Variants in MIOS observed in about 807,000 individuals in gnomAD.
The protein encoded by MIOS is GATOR2 complex protein MIOS.
A neutral mutation model predicts 96.9 loss-of-function variants in MIOS; 52 were observed. That is an observed-to-expected ratio of 0.54 (90% confidence interval 0.43 to 0.68). MIOS has a LOEUF of 0.68. MIOS is among the 30% of genes least tolerant of loss of function. The pLI is 0.00. For missense variants in MIOS, 1,005 were observed against 1,052.8 expected, an observed-to-expected ratio of 0.95 and a Z score of 0.63; for synonymous variants, 397 against 359.5, an observed-to-expected ratio of 1.10 and a Z score of -1.18.
At chr7:7,571,201 G>C (rs1472082985) in intron 3 of MIOS, among the ~76,000 whole-genome samples, 1 of 152,152 alleles carries the variant, frequency 6.6e-6, no homozygotes, top group Non-Finnish European at 1.5e-5. Context: ...CCTTTTGCCA[G>C]CCTCTGTTAG....
At chr7:7,569,300 C>T (rs1177396371) in intron 3 of MIOS, among the ~76,000 whole-genome samples, 1 of 152,192 alleles carries the variant, frequency 6.6e-6, no homozygotes. Flanking sequence ...AATTTTATCA[C>T]TACAGTGCAG....
intron 3 of MIOS, 71 bp downstream of exon 3, chr7:7,568,194 C>T (rs980762560): frequency 1.3e-5 from 2 of 152,026 alleles, no homozygotes; most frequent in African/African-American, 4.8e-5. Flanking sequence ...TTAATGTCTC[C>T]AAAATTTGGA....
rs1784554495 is a variant in MIOS, at chr7:7,607,101, C to T, written c.*9C>T. ...AGACTGTCCAGCCATAAAATGTTACCACCTTAAGAGAACCCTTCAAGTGTG... is the reference window on the plus strand; with the variant it reads ...AGACTGTCCAGCCATAAAATGTTACTACCTTAAGAGAACCCTTCAAGTGTG... On this transcript the variant is annotated 3_prime_UTR_variant, in exon 13 of 13. Transcript: ENST00000340080. 1 of 1,601,816 alleles carries T rather than the reference C, an allele frequency of 6.2e-7. No homozygotes were observed. Among genetic ancestry groups the T allele is most frequent in the East Asian group, 2.2e-5 (1 of 44,624 alleles).
chr7:7,587,616 A>G (rs1368060172), intron 7 of MIOS, among the ~76,000 whole-genome samples: 1 of 152,060 alleles, frequency 6.6e-6, no homozygotes, highest in Non-Finnish European at 1.5e-5. Context: ...AATGTTTATA[A>G]CTCTTTCCAG....
intron 11 of MIOS, among the ~76,000 whole-genome samples, chr7:7,598,178 A>G (rs1411375122): frequency 6.6e-6 from 1 of 152,180 alleles, no homozygotes; most frequent in Non-Finnish European, 1.5e-5. Flanking sequence ...TGAATAAAGA[A>G]CTGGTTAGAG....
Position 7,574,137 on chromosome 7 carries a change from C to A in MIOS, c.1334C>A (p.Pro445Gln). ...ACAGAAGATATGGATCAGAAATCTC[C>A]AGGCAACAAAGGATCATTGGTTTAT... ...QYTEDMDQKS[P>Q]GNKGSLVYAG... The change falls in exon 5 of 13, where the codon CCA becomes CAA. Residue 445 changes from proline to glutamine, a missense_variant. Physicochemically the swap from Pro to Gln is moderately conservative, Grantham distance 76 (BLOSUM62 -1). Transcript: ENST00000340080. 1 of 1,610,988 alleles carries A rather than the reference C, an allele frequency of 6.2e-7. No individual in the cohort carries two copies. Among genetic ancestry groups the A allele is most frequent in the South Asian group, 1.1e-5 (1 of 90,732 alleles).
rs1220345286 is a variant in MIOS, at chr7:7,573,655, A to G, written c.1180A>G (p.Met394Val). ...TTTAGAAAAAGATATAGCAACGAAGATGCGTCTTCGGGCTTTATCAAGGTA... is the reference window on the plus strand; with the variant it reads ...TTTAGAAAAAGATATAGCAACGAAGGTGCGTCTTCGGGCTTTATCAAGGTA... ...NSLEKDIATK[M>V]RLRALSRYGL... is the part of the protein sequence containing the mutation. Residue 394 changes from methionine (M) to valine (V), a missense_variant, in exon 4 of 13, where the codon ATG (methionine) becomes GTG (valine). Coordinates refer to ENST00000340080, the MANE Select transcript of MIOS (RefSeq NM_019005.4). The surrounding 1 kb of genome is among the most constrained non-coding windows in gnomAD (Gnocchi z 5.0). 2.5e-6 allele frequency: 4 copies of G among 1,614,018 alleles called. No homozygotes were observed. Among genetic ancestry groups the G allele is most frequent in the South Asian group, 2.2e-5 (2 of 91,086 alleles).
Position 7,583,357 on chromosome 7 carries a change from G to A in MIOS, c.1633G>A (p.Ala545Thr), listed in dbSNP as rs200672834. The change falls in exon 6 of 13, where the codon GCA (alanine) becomes ACA (threonine). Residue 545 changes from alanine (A) to threonine (T), a missense_variant. By Grantham distance (58) the Ala-to-Thr change is moderately conservative. Coordinates refer to ENST00000340080, the MANE Select transcript of MIOS (RefSeq NM_019005.4). ...RRAIQILNEG[A>T]SSEKGDLNLN... ...AGCAATCCAAATCCTGAATGAAGGG[G>A]CATCTTCTGAAAAAGGTATTAGGTT... 219 of 1,604,520 alleles carry A rather than the reference G, an allele frequency of 1.4e-4. No homozygotes were observed. The highest frequency in any genetic ancestry group is 1.9e-5 in the Non-Finnish European group (22 of 1,174,562).
Position 7,583,170 on chromosome 7 carries a change from T to C in MIOS, c.1446T>C (p.Asp482=), listed in dbSNP as rs184912482. 26 of 1,614,160 alleles carry C rather than the reference T, an allele frequency of 1.6e-5. No individual in the cohort carries two copies. In the African/African-American group the frequency reaches 3.3e-4, roughly 21 times the overall value. ...HNWSGLDKQS[D]IQNLNEERIL... ...GGAGTGGGTTGGATAAGCAAAGTGATATTCAAAATTTAAATGAAGAGAGAA... is the reference window on the plus strand; with the variant it reads ...GGAGTGGGTTGGATAAGCAAAGTGACATTCAAAATTTAAATGAAGAGAGAA... The change falls in exon 6 of 13, where the codon GAT becomes GAC. Residue 482 remains aspartate, a synonymous_variant. Transcript: ENST00000340080.
intron 11 of MIOS, among the ~76,000 whole-genome samples, chr7:7,599,179 C>T (rs950590072): frequency 2.0e-5 from 3 of 152,070 alleles, no homozygotes; most frequent in East Asian, 1.9e-4. Flanking sequence ...AATAAAATTA[C>T]GGTAATCTCA....
At chr7:7,597,517 T>TATATATATAAAAAAAA (rs372634070) in intron 11 of MIOS, among the ~76,000 whole-genome samples, 1 of 70,428 alleles carries the variant, frequency 1.4e-5, no homozygotes, top group South Asian at 4.5e-4. Flanking sequence ...TATATATATA[T>TATATATATAAAAAAAA]GAAGGCAATA....
At chr7:7,602,420 T>G (rs377596054) in intron 11 of MIOS, among the ~76,000 whole-genome samples, 2,102 of 152,234 alleles carry the variant, frequency 0.014, 18 homozygotes, top group Middle Eastern at 0.051. Flanking sequence ...AGCATTCTTA[T>G]ACACCAATAA....
intron 11 of MIOS, chr7:7,605,735 T>C (rs1583663951): frequency 2.2e-6 from 1 of 452,574 alleles, no homozygotes; most frequent in Non-Finnish European, 3.8e-6. Context: ...GGATTTTTTT[T>C]TCCATTTTTA....
chr7:7,582,651 A>T, intron 5 of MIOS: 1 of 977,722 alleles, frequency 1.0e-6, no homozygotes, highest in Non-Finnish European at 1.2e-6. Context: ...AGAAAGCAAG[A>T]TCACTTCTAC....
chr7:7,596,143 TA>T, intron 10 of MIOS, 113 bp from the exon 11 acceptor site: 2 of 903,002 alleles, frequency 2.2e-6, no homozygotes, highest in Non-Finnish European at 1.6e-6. Context: ...TTTTGAAATA[TA>T]AAATAAAGTT....
intron 5 of MIOS, among the ~76,000 whole-genome samples, chr7:7,576,883 A>T (rs1783551025): frequency 6.6e-6 from 1 of 152,214 alleles, no homozygotes; most frequent in Admixed American, 6.5e-5. Context: ...GGTGGAGAAG[A>T]TGGAAAAGTC....
chr7:7,573,472 A>G lies in MIOS; in HGVS notation c.997A>G (p.Thr333Ala), dbSNP rs1313292030. The change falls in exon 4 of 13, where the codon ACA becomes GCA. Residue 333 changes from threonine to alanine, a missense_variant. This residue lies in a region of MIOS where 865 missense variants were observed against 887.9 expected (regional missense o/e 0.97). Transcript: ENST00000340080. The surrounding 1 kb of genome is among the most constrained non-coding windows in gnomAD (Gnocchi z 5.0). Reference sequence around the variant, plus strand: ...CATTGCTTCCTTTGCGTGGCATCCAACAAGTCAAAATCGAATGATAGTTGT... The same window carrying G: ...CATTGCTTCCTTTGCGTGGCATCCAGCAAGTCAAAATCGAATGATAGTTGT... ...NYIASFAWHP[T>A]SQNRMIVVTP... The G allele has an allele frequency of 6.2e-6, 10 of 1,614,048 alleles. No homozygotes were observed. Among genetic ancestry groups the G allele is most frequent in the Admixed American group, 1.7e-5 (1 of 60,012 alleles).
At position 7,607,276 on chromosome 7, in the gene MIOS, T is replaced by C. The variant is rs1004397177; in HGVS notation, c.*184T>C. 3 of 498,064 alleles carry C rather than the reference T, an allele frequency of 6.0e-6. No individual in the cohort carries two copies. The highest frequency in any genetic ancestry group is 8.0e-5 in the Admixed American group (2 of 25,090). The allele number at this position is 498,064 out of a possible 1,614,324, so 30.9% of individuals were successfully genotyped here. A position where few individuals can be genotyped will look rare whatever the true frequency, so the allele number is the denominator to read the frequency against. On this transcript the variant is annotated 3_prime_UTR_variant, in exon 13 of 13. Coordinates refer to ENST00000340080, the MANE Select transcript of MIOS (RefSeq NM_019005.4). ...TGATATGCTTCACAGAGACAAATGCTGCCAAAATAAACATCGAAGTATAGA... is the reference window on the plus strand; with the variant it reads ...TGATATGCTTCACAGAGACAAATGCCGCCAAAATAAACATCGAAGTATAGA...
In MIOS at chr7:7,595,142, T is replaced by C. The variant is rs781061101; in HGVS notation, c.2196+10T>C. 4.4e-6 allele frequency: 7 copies of C among 1,601,056 alleles called. No individual in the cohort carries two copies. The Admixed American group carries it at 7.1e-5, about 16-fold the overall frequency. ...CAAGCCTTTAGCACAAGTAAGTACA[T>C]TGTTTTGGAGAAAATCAAATTGTAA... On this transcript the variant is annotated intron_variant, in intron 10 of 12. Coordinates refer to ENST00000340080, the MANE Select transcript of MIOS (RefSeq NM_019005.4).
Sources: allele counts gnomAD v4.1 joint callset (sites outside exome capture counted in the v4.1 genomes callset), GRCh38; gene constraint gnomAD v4.1.1; regional missense constraint gnomAD v4.1.1; non-coding constraint Gnocchi (gnomAD v3.1); transcripts MANE v1.5; gene names NCBI Gene and HGNC (gene_info 2026-07-23, HGNC 2026-07-21).